The following AGAP3 variants were observed in gnomAD, a reference collection of about 807,000 sequenced individuals.
AGAP3 encodes the protein ArfGAP with GTPase domain, ankyrin repeat and PH domain 3, also known as arf-GAP with GTPase, ANK repeat and PH domain-containing protein 3.
A neutral mutation model predicts 96.9 loss-of-function variants in AGAP3; 24 were observed. That is an observed-to-expected ratio of 0.25 (90% CI 0.18 to 0.35). AGAP3 has a LOEUF of 0.35. Ranked by LOEUF, AGAP3 falls within the 10% of genes least tolerant of loss-of-function variation. The pLI is 1.00. For missense variants in AGAP3, 876 were observed against 1,254.2 expected, an observed-to-expected ratio of 0.70 and a Z score of 4.55; for synonymous variants, 563 against 536.1, an observed-to-expected ratio of 1.05 and a Z score of -0.69.
At chr7:151,101,952 G>A (rs964138765) in intron 1 of AGAP3, among the ~76,000 whole-genome samples, 3 of 152,202 alleles carry the variant, frequency 2.0e-5, no homozygotes, top group Admixed American at 6.5e-5. Flanking sequence ...CTGAACCTGG[G>A]GGCAGTGGTG....
chr7:151,142,641 A>G lies in AGAP3; in HGVS notation c.2273+7A>G. On this transcript the variant is annotated splice_region_variant and intron_variant, in intron 16 of 17. Coordinates refer to ENST00000397238, the MANE Select transcript of AGAP3 (RefSeq NM_031946.7). This position sits in a 1 kb window ranked among gnomAD's most constrained non-coding sequence, Gnocchi z 7.5. ...CAGGGCCTGATGCCTGCAGGTGAGC[A>G]GATGGTGCCCTGGAGCTGGCCAGGA... 6.2e-7 allele frequency: 1 copy of G among 1,611,126 alleles called. No individual in the cohort carries two copies. Among genetic ancestry groups the G allele is most frequent in the Non-Finnish European group, 8.5e-7 (1 of 1,179,656 alleles).
At chr7:151,123,682 A>G in intron 8 of AGAP3, 112 bp from the exon 9 acceptor site, 7 of 1,568,712 alleles carry the variant, frequency 4.5e-6, no homozygotes, top group Non-Finnish European at 6.0e-6. Context: ...GGCCCGACCC[A>G]CTGCTAGGGC....
chr7:151,142,285 G>C lies in AGAP3; in HGVS notation c.2050+32G>C. On this transcript the variant is annotated intron_variant, in intron 15 of 17. Coordinates refer to ENST00000397238, the MANE Select transcript of AGAP3 (RefSeq NM_031946.7). This position sits in a 1 kb window ranked among gnomAD's most constrained non-coding sequence, Gnocchi z 7.5. ...GCAAGGCTGGTGGGGCTGGGAGCTG[G>C]GGATGGCCCAGGGAAAGCTTCGCAA... 1 of 1,609,366 alleles carries C rather than the reference G, an allele frequency of 6.2e-7. No individual in the cohort carries two copies.
chr7:151,115,887 G>A (rs1003608624), intron 1 of AGAP3, among the ~76,000 whole-genome samples: 2 of 152,220 alleles, frequency 1.3e-5, no homozygotes, highest in African/African-American at 4.8e-5. Context: ...AGGGCTCTGG[G>A]CTAGGCCAGA....
chr7:151,139,568 CA>C lies in AGAP3; in HGVS notation c.1667-410del, dbSNP rs1338965511. Reference sequence around the variant, plus strand: ...AGCTTGATTAGCGCGCTCTAATTGACAGTAATTAGGCAGCTCCCTGATTGTT... The same window carrying C: ...AGCTTGATTAGCGCGCTCTAATTGACGTAATTAGGCAGCTCCCTGATTGTT... On this transcript the variant is annotated intron_variant, in intron 12 of 17. Coordinates refer to ENST00000397238, the MANE Select transcript of AGAP3 (RefSeq NM_031946.7). This position sits in a 1 kb window ranked among gnomAD's most constrained non-coding sequence, Gnocchi z 4.9. 3 of 157,230 alleles carry C rather than the reference CA, an allele frequency of 1.9e-5. No individual in the cohort carries two copies. The highest frequency in any genetic ancestry group is 4.2e-5 in the Non-Finnish European group (3 of 71,650). The allele number at this position is 157,230 out of a possible 1,614,324, so 9.7% of individuals were successfully genotyped here. A position where few individuals can be genotyped will look rare whatever the true frequency, so the allele number is the denominator to read the frequency against.
Position 151,086,736 on chromosome 7 carries a change from G to A in AGAP3, c.-6G>A, listed in dbSNP as rs1454886289. 3 of 940,132 alleles carry A rather than the reference G, an allele frequency of 3.2e-6. No homozygotes were observed. Among genetic ancestry groups the A allele is most frequent in the Non-Finnish European group, 3.8e-6 (3 of 793,306 alleles). 58.2% of individuals were successfully genotyped at this position (940,132 alleles called of 1,614,324 possible). ...GGCCCGCCTCGGGCCCCACGGCTCCGAAGCCATGAACTTCCAGGCGGGCGG... is the reference window on the plus strand; with the variant it reads ...GGCCCGCCTCGGGCCCCACGGCTCCAAAGCCATGAACTTCCAGGCGGGCGG... On this transcript the variant is annotated 5_prime_UTR_variant, in exon 1 of 18. Transcript: ENST00000397238.
In AGAP3 at chr7:151,142,709, G is replaced by A. The variant is rs1800867758; in HGVS notation, c.2273+75G>A. ...GGCTCCCAGCATGGGGAAGATTGGA[G>A]TGGCTGTGATGGTATTAGAAGGGTT... is the stretch of plus-strand genomic sequence containing the variant. On this transcript the variant is annotated intron_variant, in intron 16 of 17. Transcript: ENST00000397238. The surrounding 1 kb of genome is among the most constrained non-coding windows in gnomAD (Gnocchi z 7.5). The A allele has an allele frequency of 6.7e-7, 1 of 1,485,426 alleles. No homozygotes were observed. The highest frequency in any genetic ancestry group is 9.2e-7 in the Non-Finnish European group (1 of 1,084,920). 92.0% of individuals were successfully genotyped at this position (1,485,426 alleles called of 1,614,324 possible).
At chr7:151,134,618 A>G in intron 11 of AGAP3, 50 bp downstream of exon 11, 1 of 1,538,590 alleles carries the variant, frequency 6.5e-7, no homozygotes, top group Non-Finnish European at 8.8e-7. Context: ...CCTTGGAGCC[A>G]AGGCAAGCAG....
At chr7:151,116,898 C>G in intron 2 of AGAP3, 47 bp downstream of exon 2, 5 of 1,530,708 alleles carry the variant, frequency 3.3e-6, no homozygotes, top group Non-Finnish European at 3.6e-6. Context: ...GCTGGGGGGG[C>G]GAGGCTGGGT....
At chr7:151,116,724 C>T (rs1463782381) in intron 1 of AGAP3, 69 bp from the exon 2 acceptor site, 2 of 1,575,168 alleles carry the variant, frequency 1.3e-6, no homozygotes, top group African/African-American at 1.3e-5. Flanking sequence ...ATAGGTGACA[C>T]AGGCAGCAGT....
chr7:151,106,015 C>A (rs1222465199), intron 1 of AGAP3, among the ~76,000 whole-genome samples: 2 of 151,928 alleles, frequency 1.3e-5, no homozygotes, highest in Admixed American at 1.3e-4. Context: ...AATAAGTTTA[C>A]CTCTCAGTTC....
At chr7:151,120,755 G>A in intron 8 of AGAP3, 1 of 1,194,970 alleles carries the variant, frequency 8.4e-7, no homozygotes, top group Non-Finnish European at 1.1e-6. Context: ...GGTTTGTCCT[G>A]TCTCCTTGTG....
chr7:151,138,226 G>T lies in AGAP3; in HGVS notation c.1579G>T (p.Gly527Trp), dbSNP rs1253944733. The T allele has an allele frequency of 6.2e-7, 1 of 1,612,448 alleles. No homozygotes were observed. The highest frequency in any genetic ancestry group is 8.5e-7 in the Non-Finnish European group (1 of 1,179,714). ...SSAWAGPRPE[G>W]LHQRSCSVSS... Reference sequence around the variant, plus strand: ...GGCCTGGGCTGGCCCGCGCCCTGAGGGGCTGCACCAGCGCTCCTGCTCCGT... The same window carrying T: ...GGCCTGGGCTGGCCCGCGCCCTGAGTGGCTGCACCAGCGCTCCTGCTCCGT... Residue 527 changes from glycine (G) to tryptophan (W), a missense_variant, in exon 12 of 18, where the codon GGG becomes TGG. Physicochemically the swap from Gly to Trp is radical, Grantham distance 184 (BLOSUM62 -2). This residue lies in a region of AGAP3 where 155 missense variants were observed against 144.4 expected (regional missense o/e 1.07). Transcript: ENST00000397238.
chr7:151,105,782 C>CCCCCG (rs1554463825), intron 1 of AGAP3, among the ~76,000 whole-genome samples: 1 of 46,790 alleles, frequency 2.1e-5, no homozygotes, highest in Non-Finnish European at 3.7e-5. Context: ...TTCCGCCCCC[C>CCCCCG]CCCCCGACAC....
At chr7:151,135,270 C>T (rs1008078849) in intron 11 of AGAP3, among the ~76,000 whole-genome samples, 3 of 152,212 alleles carry the variant, frequency 2.0e-5, no homozygotes, top group African/African-American at 7.2e-5. Context: ...TCAGTATCCC[C>T]AGTGTTGTCC....
intron 1 of AGAP3, among the ~76,000 whole-genome samples, chr7:151,091,483 A>G (rs1322595793): frequency 2.0e-5 from 3 of 152,316 alleles, no homozygotes; most frequent in African/African-American, 4.8e-5. Context: ...TGAAAAGCAG[A>G]CAATCAAAGG....
chr7:151,117,410 G>A lies in AGAP3; in HGVS notation c.518G>A (p.Ser173Asn). Residue 173 changes from serine to asparagine, a missense_variant, in exon 4 of 18, where the codon AGT becomes AAT. Ser to Asn is a conservative substitution (Grantham distance 46). Transcript: ENST00000397238. ...FKKEIVVDGQ[S>N]YLLLIRDEGG... Reference sequence around the variant, plus strand: ...AAGGAGATTGTGGTGGATGGCCAGAGTTACCTGCTGCTGATCCGAGATGAA... The same window carrying A: ...AAGGAGATTGTGGTGGATGGCCAGAATTACCTGCTGCTGATCCGAGATGAA... 6.2e-7 allele frequency: 1 copy of A among 1,614,228 alleles called. No homozygotes were observed. The highest frequency in any genetic ancestry group is 1.6e-4 in the Middle Eastern group (1 of 6,062).
chr7:151,087,487 C>A lies in AGAP3; in HGVS notation c.331+415C>A, dbSNP rs1798208703. 1.3e-5 allele frequency among the ~76,000 whole-genome samples: 2 copies of A among 152,158 alleles called. 1 individual carries two copies. Among genetic ancestry groups the A allele is most frequent in the South Asian group, 4.1e-4 (2 of 4,836 alleles). On this transcript the variant is annotated intron_variant, in intron 1 of 17. Transcript: ENST00000397238. Reference sequence around the variant, plus strand: ...ATCGGAGCCTCGCGTTAGTGGATGGCAGCCTTCCCGGGCCCAGCGCCCGCA... The same window carrying A: ...ATCGGAGCCTCGCGTTAGTGGATGGAAGCCTTCCCGGGCCCAGCGCCCGCA...
chr7:151,114,775 A>G lies in AGAP3; in HGVS notation c.332-2018A>G, dbSNP rs1799462015. The stretch of plus-strand genomic sequence containing the variant: ...CCGCGCCCGCCGGCCCTGAGCATGG[A>G]GCGGGGCTGGCCGCAGGGGGACAGC... On this transcript the variant is annotated intron_variant, in intron 1 of 17. Transcript: ENST00000397238. This position sits in a 1 kb window ranked among gnomAD's most constrained non-coding sequence, Gnocchi z 4.4. 9.7e-7 allele frequency: 1 copy of G among 1,028,894 alleles called. No individual in the cohort carries two copies. The allele number at this position is 1,028,894 out of a possible 1,614,324, so 63.7% of individuals were successfully genotyped here.
Sources: gnomAD v4.1 joint callset for allele counts (sites outside exome capture counted in the v4.1 genomes callset) on GRCh38, gnomAD v4.1.1 for gene constraint, gnomAD v4.1.1 regional missense constraint, Gnocchi (gnomAD v3.1) non-coding constraint, MANE v1.5 for transcripts, NCBI Gene and HGNC (gene_info 2026-07-23, HGNC 2026-07-21) for gene names.